Variants in PXDNL observed in about 807,000 individuals in gnomAD.
The protein encoded by PXDNL is probable oxidoreductase PXDNL.
In PXDNL, 145 loss-of-function variants were observed where a neutral mutation model predicts 150.8. The ratio of observed to expected loss-of-function variants is 0.96; its 90% CI spans 0.84 to 1.10. The LOEUF is 1.10. PXDNL is among the 50% of genes least tolerant of loss of function. The pLI, the probability that PXDNL is intolerant of heterozygous loss-of-function variation, is 0.00. For missense variants in PXDNL, 2,087 were observed against 1,873.9 expected (o/e 1.11, Z -2.10); for synonymous variants, 757 against 725.7 (o/e 1.04, Z -0.69).
intron 2 of PXDNL, among the ~76,000 whole-genome samples, chr8:51,593,115 A>G (rs1813480751): frequency 1.3e-5 from 2 of 152,322 alleles, no homozygotes; most frequent in South Asian, 4.1e-4. Context: ...GACACACAGT[A>G]GACTTTCATT....
chr8:51,373,562 A>T (rs1807194936), intron 18 of PXDNL, among the ~76,000 whole-genome samples: 1 of 152,246 alleles, frequency 6.6e-6, no homozygotes, highest in East Asian at 1.9e-4. Flanking sequence ...ATTTTAAAAA[A>T]TTAATGAAAT....
intron 1 of PXDNL, among the ~76,000 whole-genome samples, chr8:51,732,570 C>T (rs1025588391): frequency 6.6e-5 from 10 of 152,166 alleles, no homozygotes; most frequent in African/African-American, 2.4e-4. Flanking sequence ...CCCCACTCTA[C>T]CAGTACCAAT....
intron 3 of PXDNL, among the ~76,000 whole-genome samples, chr8:51,559,550 A>G (rs963792538): frequency 2.0e-5 from 3 of 152,038 alleles, no homozygotes; most frequent in Admixed American, 1.3e-4. Flanking sequence ...GAAAGAGAGC[A>G]TTAGCAACTT....
intron 12 of PXDNL, among the ~76,000 whole-genome samples, chr8:51,440,825 G>A (rs528390993): frequency 6.6e-6 from 1 of 152,252 alleles, no homozygotes; most frequent in East Asian, 1.9e-4. Flanking sequence ...TATGGCACAG[G>A]GAGAAGAGTG....
At chr8:51,438,593 T>G (rs2129862145) in intron 12 of PXDNL, among the ~76,000 whole-genome samples, 1 of 152,262 alleles carries the variant, frequency 6.6e-6, no homozygotes, top group East Asian at 1.9e-4. Flanking sequence ...CGGGTGCCTA[T>G]AGTCCCAGCT....
At chr8:51,520,234 A>C (rs991761999) in intron 4 of PXDNL, among the ~76,000 whole-genome samples, 1 of 152,204 alleles carries the variant, frequency 6.6e-6, no homozygotes, top group Non-Finnish European at 1.5e-5. Flanking sequence ...ACACGGCCAG[A>C]GGGCAATAGT....
intron 1 of PXDNL, among the ~76,000 whole-genome samples, chr8:51,666,271 A>T (rs184201381): frequency 1.6e-4 from 24 of 151,648 alleles, no homozygotes; most frequent in African/African-American, 5.8e-4. Flanking sequence ...TCTGTCTCAG[A>T]CTCTTTTTCC....
chr8:51,370,887 G>A lies in PXDNL; in HGVS notation c.3901+986C>T, dbSNP rs186177215. ...GCTGGGATTACAGGCGTGAGCCTCCGCACCCGGCCAGTGTTCTATCACACT... is the reference window on the plus strand; with the variant it reads ...GCTGGGATTACAGGCGTGAGCCTCCACACCCGGCCAGTGTTCTATCACACT... On this transcript the variant is annotated intron_variant, in intron 19 of 22. Coordinates refer to ENST00000356297, the MANE Select transcript of PXDNL (RefSeq NM_144651.5). 2.6e-4 allele frequency among the ~76,000 whole-genome samples: 39 copies of A among 152,284 alleles called. No homozygotes were observed. The East Asian group carries it at 6.0e-3, about 23-fold the overall frequency.
chr8:51,805,235 T>A (rs1293547661), intron 1 of PXDNL, among the ~76,000 whole-genome samples: 1 of 151,864 alleles, frequency 6.6e-6, no homozygotes. Context: ...GCCAGTAAGT[T>A]ATGTCGGTTA....
chr8:51,359,747 C>T (rs74947564), intron 19 of PXDNL, among the ~76,000 whole-genome samples: 1,730 of 152,124 alleles, frequency 0.011, 27 homozygotes, highest in African/African-American at 0.039. Flanking sequence ...AAAGATCTTA[C>T]GGAATCCCAT....
intron 1 of PXDNL, among the ~76,000 whole-genome samples, chr8:51,677,973 G>C (rs572765641): frequency 3.3e-5 from 5 of 152,274 alleles, no homozygotes; most frequent in Non-Finnish European, 5.9e-5. Flanking sequence ...TATGTGCTGA[G>C]TGACAATAAA....
chr8:51,432,959 G>C lies in PXDNL; in HGVS notation c.1526-6201C>G, dbSNP rs533187579. 9.2e-5 allele frequency among the ~76,000 whole-genome samples: 14 copies of C among 152,212 alleles called. No homozygotes were observed. In the East Asian group the frequency reaches 2.1e-3, roughly 23 times the overall value. On this transcript the variant is annotated intron_variant, in intron 12 of 22. Coordinates refer to ENST00000356297, the MANE Select transcript of PXDNL (RefSeq NM_144651.5). ...GCAGTGGCTCATGCCTGTAATCCCA[G>C]CACTTTGGGAGGCCAAGGCGGGTGG... is the stretch of plus-strand genomic sequence containing the variant.
intron 2 of PXDNL, among the ~76,000 whole-genome samples, chr8:51,642,649 A>T (rs541291700): frequency 5.6e-4 from 85 of 152,086 alleles, no homozygotes; most frequent in African/African-American, 1.9e-3. Flanking sequence ...GGATGCCCTC[A>T]CTCACCACTC....
rs1371712273 is a variant in PXDNL, at chr8:51,455,577, A to G, written c.983-1792T>C. On this transcript the variant is annotated intron_variant, in intron 9 of 22. Coordinates refer to ENST00000356297, the MANE Select transcript of PXDNL (RefSeq NM_144651.5). ...GAGAAAGGGAGGGGAGGACAGCGCT[A>G]TAAGGAACACCACATTTTAGGCAGG... is the stretch of plus-strand genomic sequence containing the variant. Among the ~76,000 whole-genome samples the G allele has an allele frequency of 3.3e-5, 5 of 152,306 alleles. No individual in the cohort carries two copies. In the East Asian group the frequency reaches 9.7e-4, roughly 29 times the overall value.
intron 19 of PXDNL, among the ~76,000 whole-genome samples, chr8:51,368,862 G>T (rs774491079): frequency 7.9e-5 from 12 of 152,108 alleles, no homozygotes; most frequent in Non-Finnish European, 1.5e-4. Flanking sequence ...CGGGCGCAGT[G>T]GTGCGGGCCT....
intron 2 of PXDNL, among the ~76,000 whole-genome samples, chr8:51,604,283 A>G (rs1335611616): frequency 2.0e-5 from 3 of 152,244 alleles, no homozygotes; most frequent in Admixed American, 6.5e-5. Context: ...GATTAAGAAA[A>G]TGTGGCACAT....
chr8:51,803,577 G>A (rs6990379), intron 1 of PXDNL, among the ~76,000 whole-genome samples: 77,078 of 151,942 alleles, frequency 0.51, 23,652 homozygotes, highest in Non-Finnish European at 0.68. Flanking sequence ...CTGAGTCTTC[G>A]GTAGATGTGT....
At chr8:51,667,241 C>T (rs1251577607) in intron 1 of PXDNL, among the ~76,000 whole-genome samples, 1 of 152,246 alleles carries the variant, frequency 6.6e-6, no homozygotes, top group East Asian at 1.9e-4. Context: ...CTGTAAGTGC[C>T]CCGACAGCCC....
Position 51,472,245 on chromosome 8 carries a change from A to T in PXDNL, c.754T>A (p.Tyr252Asn), listed in dbSNP as rs768809651. The T allele has an allele frequency of 1.2e-6, 2 of 1,613,860 alleles. No homozygotes were observed. Among genetic ancestry groups the T allele is most frequent in the South Asian group, 2.2e-5 (2 of 91,080 alleles). ...TTTCCTTCCGCCCGGCAGGTGAAGT[A>T]GACGGTATTTCCTGATGGTACCTCC... ...DVEVPSGNTV[Y>N]FTCRAEGNPK... is the part of the protein sequence containing the mutation. Residue 252 changes from tyrosine (Y) to asparagine (N), a missense_variant, in exon 8 of 23, where the codon TAC becomes AAC. Transcript: ENST00000356297.
Sources: gnomAD v4.1 joint callset for allele counts (sites outside exome capture counted in the v4.1 genomes callset) on GRCh38, gnomAD v4.1.1 for gene constraint, MANE v1.5 for transcripts, NCBI Gene and HGNC (gene_info 2026-07-23, HGNC 2026-07-21) for gene names.